The following ARNT variants were observed in gnomAD, a reference collection of about 807,000 sequenced individuals.
The protein encoded by ARNT is aryl hydrocarbon receptor nuclear translocator.
In ARNT, 30 loss-of-function variants were observed where a neutral mutation model predicts 105.0. That is an observed-to-expected ratio of 0.29 (90% confidence interval 0.21 to 0.39). The LOEUF is 0.39. ARNT is among the 10% of genes least tolerant of loss of function. The pLI is 1.00. For synonymous variants in ARNT, 304 were observed against 344.0 expected, an observed-to-expected ratio of 0.88 and a Z score of 1.29; for missense variants, 748 against 978.7, an observed-to-expected ratio of 0.76 and a Z score of 3.15.
chr1:150,851,799 T>C (rs2102179634), intron 3 of ARNT, among the ~76,000 whole-genome samples: 1 of 152,190 alleles, frequency 6.6e-6, no homozygotes, highest in South Asian at 2.1e-4. Context: ...CCCTCCACTA[T>C]TGTCCTATGA....
intron 19 of ARNT, 100 bp from the exon 20 acceptor site, chr1:150,814,339 C>T: frequency 3.6e-6 from 4 of 1,125,384 alleles, no homozygotes; most frequent in Non-Finnish European, 3.8e-6. Context: ...CTGCATCCTT[C>T]TGAACCAAGC....
At chr1:150,861,293 C>T (rs888298758) in intron 1 of ARNT, 1 of 425,664 alleles carries the variant, frequency 2.3e-6, no homozygotes, top group Non-Finnish European at 4.6e-6. Context: ...ATCTTGAGTC[C>T]AAGATCAGGC....
chr1:150,842,373 GA>G, intron 5 of ARNT, 50 bp downstream of exon 5: 1 of 1,586,662 alleles, frequency 6.3e-7, no homozygotes, highest in Non-Finnish European at 8.6e-7. Context: ...AAAAAGGATA[GA>G]AAAAGCAGCA....
chr1:150,829,714 C>T (rs1396334313), intron 11 of ARNT, among the ~76,000 whole-genome samples, 190 bp downstream of exon 11: 2 of 152,192 alleles, frequency 1.3e-5, no homozygotes, highest in African/African-American at 2.4e-5. Flanking sequence ...TCTCCCTCCT[C>T]TCATACTTTT....
At chr1:150,848,687 TC>T (rs1367042763) in intron 3 of ARNT, among the ~76,000 whole-genome samples, 5 of 151,910 alleles carry the variant, frequency 3.3e-5, no homozygotes, top group African/African-American at 1.2e-4. Context: ...CACCAGCACT[TC>T]CAGCTAATTT....
At chr1:150,818,810 A>AT (rs1656482279) in intron 14 of ARNT, among the ~76,000 whole-genome samples, 1 of 152,178 alleles carries the variant, frequency 6.6e-6, no homozygotes, top group Non-Finnish European at 1.5e-5. Flanking sequence ...GGTAGGGAAA[A>AT]TGATACATAA....
At chr1:150,812,187 C>T (rs2101495876) in intron 21 of ARNT, 77 bp from the exon 22 acceptor site, 3 of 1,069,484 alleles carry the variant, frequency 2.8e-6, no homozygotes, top group East Asian at 5.7e-5. Flanking sequence ...CCACCATTCC[C>T]CTGCACTACC....
intron 17 of ARNT, 43 bp from the exon 18 acceptor site, chr1:150,816,933 GTAGTATAT>G (rs1478860279): frequency 6.2e-7 from 1 of 1,602,934 alleles, no homozygotes; most frequent in African/African-American, 1.3e-5. Flanking sequence ...TCAAGGGGCT[GTAGTATAT>G]TAGTTCAGCA....
intron 3 of ARNT, among the ~76,000 whole-genome samples, chr1:150,850,556 T>C (rs1003941589): frequency 1.3e-5 from 2 of 152,220 alleles, no homozygotes; most frequent in Admixed American, 6.5e-5. Flanking sequence ...GGTGCCGGGA[T>C]TGCAGACTGA....
At chr1:150,869,225 C>T (rs190936535) in intron 1 of ARNT, among the ~76,000 whole-genome samples, 1 of 152,266 alleles carries the variant, frequency 6.6e-6, no homozygotes, top group East Asian at 1.9e-4. Context: ...AGCCTATAAT[C>T]CCAGCACTTT....
intron 1 of ARNT, 142 bp from the exon 2 acceptor site, chr1:150,858,602 G>C (rs1457243193): frequency 4.7e-5 from 29 of 615,318 alleles, no homozygotes; most frequent in Non-Finnish European, 7.7e-5. Flanking sequence ...CTCATATCCA[G>C]ATTGCTCTTC....
At chr1:150,851,822 C>T (rs1195402543) in intron 3 of ARNT, among the ~76,000 whole-genome samples, 1 of 151,940 alleles carries the variant, frequency 6.6e-6, no homozygotes, top group Non-Finnish European at 1.5e-5. Context: ...CTGCCAAATC[C>T]CCCTCTGCGA....
At chr1:150,813,674 C>A (rs587742813) in intron 20 of ARNT, among the ~76,000 whole-genome samples, 1 of 150,134 alleles carries the variant, frequency 6.7e-6, no homozygotes, top group Non-Finnish European at 1.5e-5. Flanking sequence ...GACGGAGTTT[C>A]ACTCTTGTTG....
chr1:150,841,340 T>C (rs1045351090), intron 5 of ARNT, among the ~76,000 whole-genome samples: 1 of 151,584 alleles, frequency 6.6e-6, no homozygotes, highest in Non-Finnish European at 1.5e-5. Context: ...AGTAAGAAAA[T>C]TAAAAATCTA....
At chr1:150,816,635 G>A (rs190396154) in intron 18 of ARNT, among the ~76,000 whole-genome samples, 153 bp downstream of exon 18, 15 of 152,284 alleles carry the variant, frequency 9.9e-5, no homozygotes, top group African/African-American at 3.4e-4. Flanking sequence ...AGAAATAGGA[G>A]GAAGAAAAGC....
rs1253033429 is a variant in ARNT, at chr1:150,811,631, C to T, written c.*390G>A. 3.0e-5 allele frequency: 7 copies of T among 235,136 alleles called. No individual in the cohort carries two copies. Among genetic ancestry groups the T allele is most frequent in the Non-Finnish European group, 5.9e-5 (7 of 119,368 alleles). The allele number at this position is 235,136 out of a possible 1,614,324, so 14.6% of individuals were successfully genotyped here. ...AATATGAGGACATTTCTCCTCTCCT[C>T]CACTCTCTTCAGAATTTCTTTCCAA... On this transcript the variant is annotated 3_prime_UTR_variant, in exon 22 of 22. Transcript: ENST00000358595.
chr1:150,847,628 C>T (rs189320042), intron 3 of ARNT, among the ~76,000 whole-genome samples: 43 of 152,086 alleles, frequency 2.8e-4, no homozygotes, highest in Admixed American at 1.2e-3. Context: ...AGCTAATTCA[C>T]GGGTATAAAA....
At chr1:150,819,725 T>C (rs758270296) in intron 14 of ARNT, among the ~76,000 whole-genome samples, 2 of 152,278 alleles carry the variant, frequency 1.3e-5, no homozygotes, top group African/African-American at 4.8e-5. Context: ...AATAGACAAA[T>C]TTATAAAGAC....
At chr1:150,836,577 A>G (rs983312511) in intron 6 of ARNT, 84 bp from the exon 7 acceptor site, 26 of 1,352,252 alleles carry the variant, frequency 1.9e-5, no homozygotes, top group Non-Finnish European at 2.6e-5. Context: ...AAGACACTTC[A>G]GGCCACATGC....
Sources: allele counts gnomAD v4.1 joint callset (sites outside exome capture counted in the v4.1 genomes callset), GRCh38; gene constraint gnomAD v4.1.1; transcripts MANE v1.5; gene names NCBI Gene and HGNC (gene_info 2026-07-23, HGNC 2026-07-21).